Variants in MYH15 observed in about 807,000 individuals in gnomAD.
The protein encoded by MYH15 is myosin heavy chain 15.
MYH15 carries 227 observed loss-of-function variants against 240.5 expected under a neutral mutation model. That is an observed-to-expected ratio of 0.94 (90% CI 0.85 to 1.05). MYH15 has a LOEUF of 1.05. Ranked by LOEUF, MYH15 falls within the 50% of genes least tolerant of loss-of-function variation. The pLI is 0.00. For missense variants in MYH15, 2,217 were observed against 2,247.5 expected (o/e 0.99, Z 0.27); for synonymous variants, 785 against 796.7 (o/e 0.99, Z 0.25).
intron 33 of MYH15, 62 bp downstream of exon 33, chr3:108,405,276 G>T: frequency 1.1e-6 from 1 of 948,434 alleles, no homozygotes; most frequent in Non-Finnish European, 1.5e-6. Context: ...GACATAATGA[G>T]CTCTGTTTAG....
At chr3:108,493,046 G>GAAGGAAGT (rs764306259) in intron 8 of MYH15, 68 bp downstream of exon 8, 1 of 1,282,650 alleles carries the variant, frequency 7.8e-7, no homozygotes, top group Non-Finnish European at 1.1e-6. Context: ...AGGAAGGAAG[G>GAAGGAAGT]AAAGAGAAGG....
chr3:108,424,994 T>A (rs922805634), intron 27 of MYH15, among the ~76,000 whole-genome samples: 1 of 152,196 alleles, frequency 6.6e-6, no homozygotes. Context: ...CAAAGCACTG[T>A]AGTAAACATG....
rs756284666 is a variant in MYH15, at chr3:108,454,149, G to A, written c.2263-7C>T. On this transcript the variant is annotated splice_region_variant and splice_polypyrimidine_tract_variant and intron_variant, in intron 20 of 40. Transcript: ENST00000693548. ...ACCCAGCTTTAAAAAACACCTAAAG[G>A]AAAAGTCAGATGTTAGCTCCACTGA... 13 of 1,604,584 alleles carry A rather than the reference G, an allele frequency of 8.1e-6. No homozygotes were observed. Among genetic ancestry groups the A allele is most frequent in the Non-Finnish European group, 1.1e-5 (13 of 1,173,390 alleles).
chr3:108,439,972 T>C, intron 23 of MYH15, 59 bp from the exon 24 acceptor site: 1 of 1,408,242 alleles, frequency 7.1e-7, no homozygotes, highest in South Asian at 1.6e-5. Flanking sequence ...GGCATAACAC[T>C]GAGGGTCATT....
intron 9 of MYH15, among the ~76,000 whole-genome samples, chr3:108,490,055 C>T (rs1430906516): frequency 6.6e-6 from 1 of 152,122 alleles, no homozygotes; most frequent in African/African-American, 2.4e-5. Flanking sequence ...CTGCTGGTAC[C>T]CACATTAGAT....
intron 22 of MYH15, 28 bp from the exon 23 acceptor site, chr3:108,441,288 C>G (rs768610236): frequency 1.2e-6 from 2 of 1,611,036 alleles, no homozygotes; most frequent in African/African-American, 1.3e-5. Flanking sequence ...AAATTGTTGC[C>G]AACAGCTGGA....
chr3:108,467,047 C>T (rs2083124916), intron 14 of MYH15, among the ~76,000 whole-genome samples: 1 of 151,776 alleles, frequency 6.6e-6, no homozygotes, highest in Admixed American at 6.6e-5. Flanking sequence ...AGGATGATGC[C>T]TTCTGGGGTT....
At chr3:108,496,876 G>A (rs1292550485) in intron 6 of MYH15, among the ~76,000 whole-genome samples, 1 of 151,128 alleles carries the variant, frequency 6.6e-6, no homozygotes. Flanking sequence ...AAAGAGTTCA[G>A]TGATGGCCAG....
chr3:108,413,972 C>T (rs964916039), intron 30 of MYH15, among the ~76,000 whole-genome samples: 1 of 152,150 alleles, frequency 6.6e-6, no homozygotes, highest in African/African-American at 2.4e-5. Flanking sequence ...TTCCCTTGTG[C>T]CCCTAGAAAG....
chr3:108,438,753 C>T (rs1399895849), intron 24 of MYH15, among the ~76,000 whole-genome samples: 3 of 152,116 alleles, frequency 2.0e-5, no homozygotes, highest in Admixed American at 2.0e-4. Flanking sequence ...TCATGGACTT[C>T]CCAGCCTCCA....
chr3:108,414,480 A>G, intron 29 of MYH15, 52 bp from the exon 30 acceptor site: 1 of 1,501,318 alleles, frequency 6.7e-7, no homozygotes. Flanking sequence ...GAGCAACACA[A>G]GTCTTGAAAG....
At chr3:108,388,693 C>T (rs935284138) in intron 38 of MYH15, among the ~76,000 whole-genome samples, 3 of 152,208 alleles carry the variant, frequency 2.0e-5, no homozygotes, top group Non-Finnish European at 4.4e-5. Context: ...GCACTGCAAA[C>T]ACTATGTGTG....
the MYH15 span, among the ~76,000 whole-genome samples, chr3:108,534,904 A>G: frequency 6.6e-6 from 1 of 152,000 alleles, no homozygotes; most frequent in Admixed American, 6.6e-5. Context: ...AACCAAGATG[A>G]AAATAAAACT....
chr3:108,392,034 C>A (rs1438422386), intron 36 of MYH15, 104 bp from the exon 37 acceptor site: 11 of 1,263,890 alleles, frequency 8.7e-6, no homozygotes, highest in Non-Finnish European at 1.0e-5. Flanking sequence ...CCACGCCTTG[C>A]CTCTATGTAT....
chr3:108,503,370 CAT>C (rs1263208811), intron 2 of MYH15, among the ~76,000 whole-genome samples: 1 of 152,104 alleles, frequency 6.6e-6, no homozygotes, highest in East Asian at 1.9e-4. Context: ...TGAAAAAATA[CAT>C]AGACTGAGAG....
chr3:108,484,715 A>G (rs1056512997), intron 11 of MYH15, among the ~76,000 whole-genome samples: 3 of 152,074 alleles, frequency 2.0e-5, no homozygotes, highest in African/African-American at 7.2e-5. Flanking sequence ...CCTGGCCTCA[A>G]GTGATCCACC....
intron 38 of MYH15, among the ~76,000 whole-genome samples, chr3:108,385,687 T>A (rs1487246997): frequency 6.6e-6 from 1 of 152,148 alleles, no homozygotes; most frequent in African/African-American, 2.4e-5. Flanking sequence ...TCAAGAAAGA[T>A]CTACTACTGC....
intron 28 of MYH15, among the ~76,000 whole-genome samples, chr3:108,419,098 A>G (rs1416831769): frequency 3.3e-5 from 5 of 152,184 alleles, no homozygotes; most frequent in Non-Finnish European, 5.9e-5. Context: ...TAAATCCACT[A>G]GCTGGTTGAG....
At chr3:108,439,316 T>C (rs1368832713) in intron 24 of MYH15, among the ~76,000 whole-genome samples, 2 of 152,146 alleles carry the variant, frequency 1.3e-5, no homozygotes, top group Non-Finnish European at 2.9e-5. Flanking sequence ...CTTTCAACCA[T>C]AAATAAATCT....
Sources: allele counts gnomAD v4.1 joint callset (sites outside exome capture counted in the v4.1 genomes callset), GRCh38; gene constraint gnomAD v4.1.1; transcripts MANE v1.5; gene names NCBI Gene and HGNC (gene_info 2026-07-23, HGNC 2026-07-21).